Variants in DENND1C observed in about 807,000 individuals in gnomAD.
DENND1C encodes DENN domain containing 1C.
A neutral mutation model predicts 87.9 loss-of-function variants in DENND1C; 64 were observed. The observed-to-expected ratio is 0.73, with a 90% confidence interval of 0.60 to 0.90. The LOEUF is 0.90. Among genes scored for constraint, DENND1C ranks in the 40% least tolerant of loss-of-function variants. The pLI, the probability that DENND1C is intolerant of heterozygous loss-of-function variation, is 0.00. For missense variants in DENND1C, 980 were observed against 1,037.0 expected, an observed-to-expected ratio of 0.95 and a Z score of 0.76; for synonymous variants, 384 against 424.4, an observed-to-expected ratio of 0.90 and a Z score of 1.17.
At chr19:6,471,127 G>A in intron 17 of DENND1C, 138 bp downstream of exon 17, 1 of 1,192,542 alleles carries the variant, frequency 8.4e-7, no homozygotes. Context: ...TTTTTTTTCA[G>A]TAGAGATGGG....
intron 10 of DENND1C, 104 bp downstream of exon 10, chr19:6,476,753 G>T: frequency 8.3e-7 from 1 of 1,198,886 alleles, no homozygotes; most frequent in Non-Finnish European, 1.1e-6. Flanking sequence ...TTCGCCCTCG[G>T]GTCTCGCGCA....
At position 6,476,885 on chromosome 19, in the gene DENND1C, AC is replaced by A. The variant is rs1307251979; in HGVS notation, c.649del (p.Val217SerfsTer11). The A allele has an allele frequency of 6.2e-7, 1 of 1,611,910 alleles. No individual in the cohort carries two copies. The highest frequency in any genetic ancestry group is 1.3e-5 in the African/African-American group (1 of 74,538). ...GCTGAGTTTGCTGGCGGTGAGCAGG[AC>A]TCTTCTCTCGGCCAGGAGCGCCGCG... ...LFAALLAERR[V>X]LLTASKLSTL... On this transcript the variant is annotated frameshift_variant, in exon 10 of 23. Coordinates refer to ENST00000381480, the MANE Select transcript of DENND1C (RefSeq NM_024898.4). LOFTEE classifies it high-confidence loss of function.
intron 10 of DENND1C, 70 bp downstream of exon 10, chr19:6,476,787 C>G: frequency 1.4e-6 from 2 of 1,464,638 alleles, no homozygotes; most frequent in Admixed American, 2.1e-5. Flanking sequence ...CAGGAATCAG[C>G]CCCCTTGTCC....
chr19:6,479,281 A>AGTCCCTGTG (rs2092883296), intron 4 of DENND1C, among the ~76,000 whole-genome samples: 1 of 135,630 alleles, frequency 7.4e-6, no homozygotes, highest in African/African-American at 3.3e-5. Flanking sequence ...GGGTTTCTGG[A>AGTCCCTGTG]TCTCTGGGTC....
chr19:6,475,487 G>A lies in DENND1C; in HGVS notation c.924C>T (p.Asp308=). 1 of 1,613,882 alleles carries A rather than the reference G, an allele frequency of 6.2e-7. No homozygotes were observed. The highest frequency in any genetic ancestry group is 8.5e-7 in the Non-Finnish European group (1 of 1,179,862). Residue 308 remains aspartate, a synonymous_variant, in exon 13 of 23, where the codon GAC becomes GAT. Coordinates refer to ENST00000381480, the MANE Select transcript of DENND1C (RefSeq NM_024898.4). ...TFNDVQALPP[D]VVSLLRLRLR... ...AGGTGGGAGGGGCGACACTGACCAC[G>A]TCTGGAGGCAGCGCCTGCACGTCGT...
intron 14 of DENND1C, 84 bp downstream of exon 14, chr19:6,475,189 GT>G (rs2092851221): frequency 6.3e-7 from 1 of 1,589,258 alleles, no homozygotes; most frequent in African/African-American, 1.3e-5. Flanking sequence ...GAGCCACTGC[GT>G]CCGGCCATCT....
At position 6,468,888 on chromosome 19, in the gene DENND1C, G is replaced by A. The variant is rs865787522; in HGVS notation, c.1473C>T (p.Asp491=). 2 of 1,509,180 alleles carry A rather than the reference G, an allele frequency of 1.3e-6. No individual in the cohort carries two copies. Among genetic ancestry groups the A allele is most frequent in the Non-Finnish European group, 1.8e-6 (2 of 1,134,350 alleles). The allele number at this position is 1,509,180 out of a possible 1,614,324, so 93.5% of individuals were successfully genotyped here. Residue 491 remains aspartate, a synonymous_variant, in exon 20 of 23, where the codon GAC becomes GAT. Coordinates refer to ENST00000381480, the MANE Select transcript of DENND1C (RefSeq NM_024898.4). ...TGATTGGGAGGCGTTGCTGCAGGCG[G>A]TCTGAGCGGCTGGGGAGGGCTGGGG... ...LRAPALPSRS[D]RLQQRLPITQ... is the part of the protein sequence containing the mutation.
At chr19:6,478,642 C>T in intron 6 of DENND1C, 141 bp downstream of exon 6, 1 of 964,530 alleles carries the variant, frequency 1.0e-6, no homozygotes, top group Non-Finnish European at 1.5e-6. Context: ...ATCCTCCCAC[C>T]TCGGCCTCCC....
At chr19:6,470,025 T>TG in intron 18 of DENND1C, 1 of 438,180 alleles carries the variant, frequency 2.3e-6, no homozygotes, top group African/African-American at 2.1e-5. Context: ...AAAGAATGTT[T>TG]GCCAGCAAAT....
intron 14 of DENND1C, among the ~76,000 whole-genome samples, chr19:6,473,362 C>G (rs1300628152): frequency 6.6e-6 from 1 of 151,758 alleles, no homozygotes; most frequent in African/African-American, 2.4e-5. Flanking sequence ...ACCATGTTGG[C>G]CAGGTTGGTC....
chr19:6,469,248 C>T (rs1276255006), intron 19 of DENND1C, among the ~76,000 whole-genome samples: 1 of 152,150 alleles, frequency 6.6e-6, no homozygotes, highest in African/African-American at 2.4e-5. Flanking sequence ...TCGGGCTGGT[C>T]TAGAACTCCT....
intron 6 of DENND1C, among the ~76,000 whole-genome samples, chr19:6,477,881 T>C (rs1209728368): frequency 7.7e-5 from 11 of 143,580 alleles, no homozygotes; most frequent in Non-Finnish European, 1.5e-4. Context: ...CTGGCCAACA[T>C]AGTGAAAACA....
Position 6,468,357 on chromosome 19 carries a change from T to G in DENND1C, c.1668A>C (p.Glu556Asp). The change falls in exon 22 of 23, where the codon GAA becomes GAC. Residue 556 changes from glutamate to aspartate, a missense_variant. Glu to Asp is a conservative substitution (Grantham distance 45, BLOSUM62 2). Coordinates refer to ENST00000381480, the MANE Select transcript of DENND1C (RefSeq NM_024898.4). ...LDSSFLGSGE[E>D]LDLLSEILDS... Reference sequence around the variant, plus strand: ...CCAGAATCTCGCTCAACAAATCCAGTTCTTCTCCAGACCCCAAGAAGCTGC... The same window carrying G: ...CCAGAATCTCGCTCAACAAATCCAGGTCTTCTCCAGACCCCAAGAAGCTGC... 2 of 1,613,836 alleles carry G rather than the reference T, an allele frequency of 1.2e-6. No homozygotes were observed. The highest frequency in any genetic ancestry group is 1.7e-6 in the Non-Finnish European group (2 of 1,179,802).
At chr19:6,478,152 A>G (rs2145209655) in intron 6 of DENND1C, among the ~76,000 whole-genome samples, 1 of 152,198 alleles carries the variant, frequency 6.6e-6, no homozygotes, top group South Asian at 2.1e-4. Flanking sequence ...ATAGCTCACT[A>G]TAGCTTCGAA....
At chr19:6,480,407 C>T (rs1913472934) in intron 1 of DENND1C, 1 of 1,162,706 alleles carries the variant, frequency 8.6e-7, no homozygotes, top group Non-Finnish European at 1.1e-6. Flanking sequence ...TGAGACTGCA[C>T]AGATATGAAG....
rs1370978931 is a variant in DENND1C, at chr19:6,471,485, G to A, written c.1170C>T (p.Ala390=). ...CCCCCTTGTTGAGCTTCTCCAGCCGGGCTTCGATGAACTGGGGTGGGGGAC... is the reference window on the plus strand; with the variant it reads ...CCCCCTTGTTGAGCTTCTCCAGCCGAGCTTCGATGAACTGGGGTGGGGGAC... The part of the protein sequence containing the change: ...HLQLFKQFIE[A]RLEKLNKGEG... The change falls in exon 16 of 23, where the codon GCC becomes GCT. Residue 390 remains alanine (A), a synonymous_variant. Coordinates refer to ENST00000381480, the MANE Select transcript of DENND1C (RefSeq NM_024898.4). The A allele has an allele frequency of 3.2e-6, 5 of 1,564,016 alleles. No homozygotes were observed. The highest frequency in any genetic ancestry group is 1.4e-5 in the African/African-American group (1 of 73,698).
intron 17 of DENND1C, 115 bp from the exon 18 acceptor site, chr19:6,470,481 C>A (rs2092821485): frequency 9.8e-7 from 1 of 1,025,174 alleles, no homozygotes; most frequent in African/African-American, 1.6e-5. Flanking sequence ...ATTTTTTCAC[C>A]TCTATAAATG....
rs1654569556 is a variant in DENND1C at position 6,472,869 on chromosome 19, C to T, written c.1158+20G>A. 1.3e-6 allele frequency: 2 copies of T among 1,487,206 alleles called. No individual in the cohort carries two copies. The highest frequency in any genetic ancestry group is 1.8e-6 in the Non-Finnish European group (2 of 1,118,718). 92.1% of individuals were successfully genotyped at this position (1,487,206 alleles called of 1,614,324 possible). A position where few individuals can be genotyped will look rare whatever the true frequency, so the allele number is the denominator to read the frequency against. ...CAGTCCACCTCCAGTCCCAGCTGGA[C>T]CCTCAGGGCTCTGGCATACCTGTTT... is the stretch of plus-strand genomic sequence containing the variant. On this transcript the variant is annotated intron_variant, in intron 15 of 22. Coordinates refer to ENST00000381480, the MANE Select transcript of DENND1C (RefSeq NM_024898.4).
intron 15 of DENND1C, among the ~76,000 whole-genome samples, chr19:6,472,083 T>C (rs528494164): frequency 2.0e-5 from 3 of 152,272 alleles, no homozygotes; most frequent in South Asian, 4.1e-4. Context: ...CCCGCTCTCA[T>C]TGAATCAAGA....
Sources: allele counts gnomAD v4.1 joint callset (sites outside exome capture counted in the v4.1 genomes callset), GRCh38; gene constraint gnomAD v4.1.1; transcripts MANE v1.5; gene names NCBI Gene and HGNC (gene_info 2026-07-23, HGNC 2026-07-21).